Variants in LTBP1 observed in about 807,000 individuals in gnomAD.
LTBP1 encodes the protein latent-transforming growth factor beta-binding protein 1.
In LTBP1, 129 loss-of-function variants were observed where a neutral mutation model predicts 207.6. That is an observed-to-expected ratio of 0.62 (90% CI 0.54 to 0.72). LTBP1 has a LOEUF of 0.72. LTBP1 is among the 30% of genes least tolerant of loss of function. LTBP1 has a pLI of 0.00. For synonymous variants in LTBP1, 963 were observed against 833.7 expected, an observed-to-expected ratio of 1.16 and a Z score of -2.67; for missense variants, 2,281 against 2,217.2, an observed-to-expected ratio of 1.03 and a Z score of -0.58.
In LTBP1 at chr2:33,257,453, G is replaced by A. The variant is rs144207957; in HGVS notation, c.2337G>A (p.Glu779=). 629 of 1,614,220 alleles carry A rather than the reference G, an allele frequency of 3.9e-4. No individual in the cohort carries two copies. Among genetic ancestry groups the A allele is most frequent in the Non-Finnish European group, 5.1e-4 (602 of 1,180,026 alleles). ...CTCCACCTCTCCCAGCCAAGGAAGA[G>A]CCAGTGGAGGCCCTGACCTTCTCCC... ...THPPPLPAKE[E]PVEALTFSRE... is the part of the protein sequence containing the mutation. Residue 779 remains glutamate (E), a synonymous_variant, in exon 12 of 34, where the codon GAG becomes GAA. Coordinates refer to ENST00000404816, the MANE Select transcript of LTBP1 (RefSeq NM_206943.4).
intron 31 of LTBP1, among the ~76,000 whole-genome samples, chr2:33,388,605 C>T (rs945029561): frequency 6.6e-6 from 1 of 152,182 alleles, no homozygotes. Flanking sequence ...ATTACCACTA[C>T]CACGGCTGTT....
At chr2:32,959,740 C>A (rs1450539067) in intron 2 of LTBP1, among the ~76,000 whole-genome samples, 1 of 149,964 alleles carries the variant, frequency 6.7e-6, no homozygotes, top group African/African-American at 2.5e-5. Context: ...TCTGCCTCAG[C>A]CACCCGAGTA....
At position 33,186,895 on chromosome 2, in the gene LTBP1, G is replaced by T; in HGVS notation, c.1241G>T (p.Ser414Ile). 1 of 1,614,156 alleles carries T rather than the reference G, an allele frequency of 6.2e-7. No individual in the cohort carries two copies. Among genetic ancestry groups the T allele is most frequent in the South Asian group, 1.1e-5 (1 of 91,078 alleles). ...CCATGTATGAATGGTGGCCAGTGCAGTTCAAGGGACAAATGTCAGTGCCCT... is the reference window on the plus strand; with the variant it reads ...CCATGTATGAATGGTGGCCAGTGCATTTCAAGGGACAAATGTCAGTGCCCT... The part of the protein sequence containing the change: ...HLPCMNGGQC[S>I]SRDKCQCPPN... Residue 414 changes from serine to isoleucine, a missense_variant, in exon 6 of 34, where the codon AGT (serine) becomes ATT (isoleucine). Coordinates refer to ENST00000404816, the MANE Select transcript of LTBP1 (RefSeq NM_206943.4).
chr2:33,275,994 T>C, intron 18 of LTBP1, 71 bp downstream of exon 18: 2 of 1,494,250 alleles, frequency 1.3e-6, no homozygotes, highest in Non-Finnish European at 8.9e-7. Flanking sequence ...TGCCTGGTTC[T>C]TGTTTCCTTC....
intron 3 of LTBP1, among the ~76,000 whole-genome samples, chr2:33,041,061 C>T (rs936446707): frequency 6.6e-6 from 1 of 152,134 alleles, no homozygotes; most frequent in East Asian, 1.9e-4. Flanking sequence ...AGTCAAGTAA[C>T]CTGCCAAAAT....
intron 7 of LTBP1, among the ~76,000 whole-genome samples, chr2:33,198,421 T>A (rs2088821826): frequency 6.6e-6 from 1 of 152,186 alleles, no homozygotes; most frequent in Non-Finnish European, 1.5e-5. Flanking sequence ...ATAAAATGAG[T>A]TAGGGAGGAT....
intron 32 of LTBP1, among the ~76,000 whole-genome samples, chr2:33,395,357 T>C (rs1309875326): frequency 6.6e-6 from 1 of 152,194 alleles, no homozygotes; most frequent in Non-Finnish European, 1.5e-5. Flanking sequence ...TTCAGTGCTT[T>C]TACTTCATAC....
chr2:33,150,696 TC>T (rs2083441038), intron 5 of LTBP1, among the ~76,000 whole-genome samples: 1 of 146,740 alleles, frequency 6.8e-6, no homozygotes, highest in African/African-American at 2.5e-5. Context: ...TTTTCTTTTT[TC>T]TTTTTTCTTT....
At chr2:33,306,441 G>C (rs1573742608) in intron 22 of LTBP1, among the ~76,000 whole-genome samples, 1 of 152,060 alleles carries the variant, frequency 6.6e-6, no homozygotes, top group South Asian at 2.1e-4. Flanking sequence ...GTGGTGGCAG[G>C]CGCCTGTAAT....
At chr2:33,272,017 T>C (rs2093332221) in intron 15 of LTBP1, among the ~76,000 whole-genome samples, 1 of 151,674 alleles carries the variant, frequency 6.6e-6, no homozygotes, top group Non-Finnish European at 1.5e-5. Context: ...TATAAGTAAT[T>C]TGTAAATACA....
At chr2:33,359,867 T>A (rs899315102) in intron 26 of LTBP1, among the ~76,000 whole-genome samples, 1 of 152,236 alleles carries the variant, frequency 6.6e-6, no homozygotes, top group African/African-American at 2.4e-5. Context: ...GTGGATTTTG[T>A]TCTTATTGTT....
intron 7 of LTBP1, among the ~76,000 whole-genome samples, chr2:33,202,074 G>T (rs1334597635): frequency 7.9e-6 from 1 of 126,114 alleles, no homozygotes; most frequent in Non-Finnish European, 1.6e-5. Flanking sequence ...GCATTCTAAA[G>T]GGCCAAATAG....
intron 24 of LTBP1, among the ~76,000 whole-genome samples, chr2:33,339,321 G>T (rs979718318): frequency 6.6e-6 from 1 of 152,156 alleles, no homozygotes; most frequent in African/African-American, 2.4e-5. Flanking sequence ...GTAAATTTTT[G>T]AGAGAGACTG....
At chr2:33,393,117 G>C (rs1173864416) in intron 32 of LTBP1, among the ~76,000 whole-genome samples, 2 of 151,858 alleles carry the variant, frequency 1.3e-5, no homozygotes, top group African/African-American at 4.8e-5. Flanking sequence ...CATGTCATGG[G>C]GGTTAGTGGT....
At chr2:33,313,130 A>G (rs2094211343) in intron 23 of LTBP1, among the ~76,000 whole-genome samples, 1 of 152,266 alleles carries the variant, frequency 6.6e-6, no homozygotes, top group Non-Finnish European at 1.5e-5. Context: ...GAGTAAAATC[A>G]TATTGAGAAA....
intron 5 of LTBP1, among the ~76,000 whole-genome samples, chr2:33,169,176 G>C (rs1359169919): frequency 6.6e-6 from 1 of 152,166 alleles, no homozygotes. Context: ...TGCCCAGTGT[G>C]TTTCTTCTTT....
intron 7 of LTBP1, among the ~76,000 whole-genome samples, chr2:33,205,689 A>G (rs953281717): frequency 4.6e-5 from 7 of 152,272 alleles, no homozygotes; most frequent in African/African-American, 1.4e-4. Flanking sequence ...GGCCATACCT[A>G]TTAGTGCTAT....
At chr2:33,237,803 G>A (rs2092120809) in intron 9 of LTBP1, among the ~76,000 whole-genome samples, 1 of 152,222 alleles carries the variant, frequency 6.6e-6, no homozygotes, top group Non-Finnish European at 1.5e-5. Context: ...ATTCTGGATT[G>A]ACAAGAGGTA....
chr2:33,190,955 G>A (rs746948734), intron 7 of LTBP1, among the ~76,000 whole-genome samples: 1 of 152,220 alleles, frequency 6.6e-6, no homozygotes, highest in African/African-American at 2.4e-5. Flanking sequence ...GCTAAGGGTA[G>A]ATTTTGATAA....
Sources: allele counts gnomAD v4.1 joint callset (sites outside exome capture counted in the v4.1 genomes callset), GRCh38; gene constraint gnomAD v4.1.1; transcripts MANE v1.5; gene names NCBI Gene and HGNC (gene_info 2026-07-23, HGNC 2026-07-21).